REEP1: variants seen among roughly 807,000 people sequenced by gnomAD.
REEP1 encodes the protein receptor expression-enhancing protein 1.
A neutral mutation model predicts 40.3 loss-of-function variants in REEP1; 22 were observed. That is an observed-to-expected ratio of 0.55 (90% confidence interval 0.39 to 0.78). The LOEUF (loss-of-function observed/expected upper bound fraction) is 0.78. Among genes scored for constraint, REEP1 ranks in the 30% least tolerant of loss-of-function variants. The pLI, the probability that REEP1 is intolerant of heterozygous loss-of-function variation, is 0.00. For missense variants in REEP1, 280 were observed against 361.1 expected (o/e 0.78, Z 1.82); for synonymous variants, 116 against 139.2 (o/e 0.83, Z 1.17).
intron 1 of REEP1, among the ~76,000 whole-genome samples, chr2:86,336,150 C>T (rs923873352): frequency 2.0e-5 from 3 of 152,176 alleles, no homozygotes; most frequent in Non-Finnish European, 4.4e-5. Flanking sequence ...AGCCACTTTC[C>T]TGTATTATTC....
At chr2:86,336,218 G>C (rs1160241678) in intron 1 of REEP1, among the ~76,000 whole-genome samples, 1 of 152,206 alleles carries the variant, frequency 6.6e-6, no homozygotes, top group Non-Finnish European at 1.5e-5. Flanking sequence ...TCAAGGTGCA[G>C]CGCAAACACC....
At chr2:86,272,228 A>AT (rs530400585) in intron 2 of REEP1, among the ~76,000 whole-genome samples, 72 of 152,252 alleles carry the variant, frequency 4.7e-4, no homozygotes, top group African/African-American at 1.6e-3. Flanking sequence ...ATCTCAGAAA[A>AT]TTTTTTAAAA....
intron 2 of REEP1, among the ~76,000 whole-genome samples, chr2:86,273,915 T>C (rs995425912): frequency 5.9e-5 from 9 of 152,334 alleles, no homozygotes; most frequent in African/African-American, 1.9e-4. Context: ...TATACATCTT[T>C]ATATCTCTAG....
intron 1 of REEP1, among the ~76,000 whole-genome samples, chr2:86,322,403 CAG>C (rs1183287328): frequency 6.6e-6 from 1 of 151,928 alleles, no homozygotes; most frequent in African/African-American, 2.4e-5. Flanking sequence ...GTTTTTTTGA[CAG>C]AGTCTTGCTC....
intron 2 of REEP1, among the ~76,000 whole-genome samples, chr2:86,265,651 T>C (rs1677092034): frequency 6.6e-6 from 1 of 152,192 alleles, no homozygotes; most frequent in African/African-American, 2.4e-5. Flanking sequence ...TAGATGGAAC[T>C]GGAGTCCATT....
At chr2:86,258,092 C>T (rs546520544) in intron 3 of REEP1, among the ~76,000 whole-genome samples, 14 of 152,312 alleles carry the variant, frequency 9.2e-5, no homozygotes, top group Admixed American at 6.5e-5. Context: ...TGCTAGGGTT[C>T]CTGAGGCACT....
intron 5 of REEP1, among the ~76,000 whole-genome samples, chr2:86,236,202 G>A (rs546497754): frequency 1.4e-5 from 2 of 148,140 alleles, no homozygotes; most frequent in Admixed American, 6.7e-5. Flanking sequence ...GGCAACAAGA[G>A]CAAAAACTTC....
chr2:86,223,761 C>G (rs1674550216), intron 7 of REEP1: 2 of 146,988 alleles, frequency 1.4e-5, no homozygotes, highest in Admixed American at 1.4e-4. Context: ...CTCTCTCTCT[C>G]TGAGAGGACA....
intron 1 of REEP1, among the ~76,000 whole-genome samples, chr2:86,301,719 C>A (rs1679263432): frequency 6.6e-6 from 1 of 152,222 alleles, no homozygotes; most frequent in South Asian, 2.1e-4. Flanking sequence ...TTAGGGCTCA[C>A]TTTATTTTTC....
At chr2:86,295,100 C>T (rs1332732230) in intron 1 of REEP1, among the ~76,000 whole-genome samples, 1 of 152,202 alleles carries the variant, frequency 6.6e-6, no homozygotes, top group African/African-American at 2.4e-5. Flanking sequence ...CTTCAATGAG[C>T]AAAATTTAAA....
At chr2:86,265,452 T>A (rs997769720) in intron 2 of REEP1, among the ~76,000 whole-genome samples, 17 of 152,278 alleles carry the variant, frequency 1.1e-4, no homozygotes, top group Non-Finnish European at 2.2e-4. Context: ...CAAGGTGATC[T>A]GCCTGAATTT....
At position 86,232,818 on chromosome 2, in the gene REEP1, G is replaced by T; in HGVS notation, c.418-16C>A. ...CACCCTGTCCCTGGATACAACACAG[G>T]AGGGGCACACGTCAGAGGTCCTGCT... is the stretch of plus-strand genomic sequence containing the variant. On this transcript the variant is annotated splice_polypyrimidine_tract_variant and intron_variant, in intron 5 of 8. Coordinates refer to ENST00000538924, the MANE Select transcript of REEP1 (RefSeq NM_001371279.1). 6.3e-7 allele frequency: 1 copy of T among 1,598,460 alleles called. No homozygotes were observed. Among genetic ancestry groups the T allele is most frequent in the Non-Finnish European group, 8.5e-7 (1 of 1,179,564 alleles).
chr2:86,282,348 CT>C (rs759344097), intron 1 of REEP1, 106 bp from the exon 2 acceptor site: 10 of 874,380 alleles, frequency 1.1e-5, no homozygotes, highest in Non-Finnish European at 1.7e-5. Context: ...ACAGAAAGTG[CT>C]GCTGTGGGGC....
At chr2:86,292,611 G>T (rs1220757716) in intron 1 of REEP1, among the ~76,000 whole-genome samples, 1 of 152,116 alleles carries the variant, frequency 6.6e-6, no homozygotes, top group African/African-American at 2.4e-5. Flanking sequence ...CCAGCCAGAG[G>T]GTTCTGTGCT....
rs1202869717 is a variant in REEP1, at chr2:86,232,786, G to A, written c.434C>T (p.Ser145Leu). 1.9e-6 allele frequency: 3 copies of A among 1,601,916 alleles called. No homozygotes were observed. The highest frequency in any genetic ancestry group is 1.1e-5 in the South Asian group (1 of 91,052). ...CATGCTGAAGCTCCGCAGTCTCTCC[G>A]ATAAGGCACCCTGTCCCTGGATACA... Reference protein sequence around the residue: ...MAASKGQGALSERLRSFSMQD... With the variant: ...MAASKGQGALLERLRSFSMQD... The change falls in exon 6 of 9, where the codon TCG becomes TTG. Residue 145 changes from serine to leucine, a missense_variant. By Grantham distance (145) the Ser-to-Leu change is moderately radical. Around this residue, in one of 3 missense-constraint regions of REEP1, gnomAD observed 201 missense variants for 238.5 expected, o/e 0.84. Coordinates refer to ENST00000538924, the MANE Select transcript of REEP1 (RefSeq NM_001371279.1).
At chr2:86,222,024 T>G (rs1674459127) in intron 7 of REEP1, among the ~76,000 whole-genome samples, 1 of 152,116 alleles carries the variant, frequency 6.6e-6, no homozygotes, top group Non-Finnish European at 1.5e-5. Context: ...CACATCCAGG[T>G]CCAGGGCTTT....
chr2:86,252,398 A>G (rs1676337231), intron 4 of REEP1, among the ~76,000 whole-genome samples: 1 of 152,158 alleles, frequency 6.6e-6, no homozygotes, highest in South Asian at 2.1e-4. Flanking sequence ...CACTCACCAG[A>G]CACTGAAAGC....
chr2:86,245,828 T>C (rs984816684), intron 5 of REEP1, among the ~76,000 whole-genome samples: 1 of 151,132 alleles, frequency 6.6e-6, no homozygotes, highest in East Asian at 1.9e-4. Flanking sequence ...GCAGTGGTGC[T>C]ATCTTGGCTC....
At chr2:86,244,349 C>A (rs547645961) in intron 5 of REEP1, among the ~76,000 whole-genome samples, 1 of 151,574 alleles carries the variant, frequency 6.6e-6, no homozygotes, top group Admixed American at 6.6e-5. Context: ...TTTTGTAGAT[C>A]TTCTTTTTCT....
Sources: allele counts gnomAD v4.1 joint callset (sites outside exome capture counted in the v4.1 genomes callset), GRCh38; gene constraint gnomAD v4.1.1; regional missense constraint gnomAD v4.1.1; transcripts MANE v1.5; gene names NCBI Gene and HGNC (gene_info 2026-07-23, HGNC 2026-07-21).